Variants in SLC30A6 observed in about 807,000 individuals in gnomAD.
SLC30A6 encodes solute carrier family 30 member 6.
Under a neutral mutation model 63.0 loss-of-function variants are expected in SLC30A6, and 55 were observed. The observed-to-expected ratio is 0.87, with a 90% CI of 0.70 to 1.09. The LOEUF is 1.09. SLC30A6 is among the 50% of genes least tolerant of loss of function. SLC30A6 has a pLI of 0.00. For missense variants in SLC30A6, 587 were observed against 549.2 expected (o/e 1.07, Z -0.69); for synonymous variants, 224 against 186.1 (o/e 1.20, Z -1.66).
At chr2:32,185,972 C>A (rs1461035581) in intron 5 of SLC30A6, among the ~76,000 whole-genome samples, 1 of 150,602 alleles carries the variant, frequency 6.6e-6, no homozygotes, top group Non-Finnish European at 1.5e-5. Context: ...CTCAAATGAT[C>A]CACCTATCTC....
At chr2:32,178,828 A>G (rs1256936369) in intron 4 of SLC30A6, among the ~76,000 whole-genome samples, 2 of 152,202 alleles carry the variant, frequency 1.3e-5, no homozygotes, top group Non-Finnish European at 2.9e-5. Context: ...AAGTTTTGAA[A>G]TTGGAAAGTG....
At chr2:32,189,596 CTTTTTTT>C (rs3040842) in intron 5 of SLC30A6, among the ~76,000 whole-genome samples, 2 of 51,880 alleles carry the variant, frequency 3.9e-5, no homozygotes, top group East Asian at 1.1e-3. Context: ...CGCACCCGGC[CTTTTTTT>C]TTTTTTTTTT....
rs1226224041 is a variant in SLC30A6 at position 32,222,528 on chromosome 2, C to G, written c.*1815C>G. On this transcript the variant is annotated 3_prime_UTR_variant, in exon 14 of 14. Coordinates refer to ENST00000282587, the MANE Select transcript of SLC30A6 (RefSeq NM_017964.5). The stretch of plus-strand genomic sequence containing the variant: ...CATCTCTGTCAAGCAGAATTGTCAT[C>G]TGTGGTAATAAGTGACCATGTCCTA... 6.6e-6 allele frequency: 1 copy of G among 152,146 alleles called. No homozygotes were observed. Among genetic ancestry groups the G allele is most frequent in the East Asian group, 1.9e-4 (1 of 5,190 alleles). 9.4% of individuals were successfully genotyped at this position (152,146 alleles called of 1,614,324 possible). A position where few individuals can be genotyped will look rare whatever the true frequency, so the allele number is the denominator to read the frequency against.
intron 13 of SLC30A6, 116 bp from the exon 14 acceptor site, chr2:32,220,097 T>A: frequency 8.4e-7 from 1 of 1,194,068 alleles, no homozygotes; most frequent in Admixed American, 2.8e-5. Context: ...ATTAAGCTTT[T>A]TCTTTCAAAG....
In SLC30A6 at chr2:32,223,687, C is replaced by G. The variant is rs904426235; in HGVS notation, c.*2974C>G. On this transcript the variant is annotated 3_prime_UTR_variant, in exon 14 of 14. Transcript: ENST00000282587. Reference sequence around the variant, plus strand: ...AGAATAGGTGAACCACAGCCTAACACCATTTAGGTTTTTGTGTTTTTTTCA... The same window carrying G: ...AGAATAGGTGAACCACAGCCTAACAGCATTTAGGTTTTTGTGTTTTTTTCA... 2 of 152,048 alleles carry G rather than the reference C, an allele frequency of 1.3e-5. No homozygotes were observed. Among genetic ancestry groups the G allele is most frequent in the African/African-American group, 4.8e-5 (2 of 41,388 alleles). 9.4% of individuals were successfully genotyped at this position (152,048 alleles called of 1,614,324 possible).
At chr2:32,199,986 A>G (rs1684127424) in intron 10 of SLC30A6, among the ~76,000 whole-genome samples, 1 of 151,994 alleles carries the variant, frequency 6.6e-6, no homozygotes, top group African/African-American at 2.4e-5. Context: ...GTGGTGATGC[A>G]CACCTGTAAT....
intron 13 of SLC30A6, among the ~76,000 whole-genome samples, chr2:32,217,844 CTT>C: frequency 7.0e-6 from 1 of 143,748 alleles, no homozygotes; most frequent in African/African-American, 2.5e-5. Context: ...GGATTGAATT[CTT>C]TTTTTTTTTT....
At chr2:32,210,082 A>C (rs1320250434) in intron 13 of SLC30A6, among the ~76,000 whole-genome samples, 1 of 152,216 alleles carries the variant, frequency 6.6e-6, no homozygotes, top group Non-Finnish European at 1.5e-5. Context: ...TACCAGAGAG[A>C]CTTTATTATG....
chr2:32,179,259 C>A (rs536883727), intron 4 of SLC30A6, among the ~76,000 whole-genome samples: 60 of 152,106 alleles, frequency 3.9e-4, no homozygotes, highest in Non-Finnish European at 7.1e-4. Flanking sequence ...ATGCCCATAA[C>A]CTTAAACGTA....
At position 32,222,548 on chromosome 2, in the gene SLC30A6, G is replaced by A. The variant is rs1341983965; in HGVS notation, c.*1835G>A. 6.6e-6 allele frequency: 1 copy of A among 152,138 alleles called. No homozygotes were observed. Among genetic ancestry groups the A allele is most frequent in the Non-Finnish European group, 1.5e-5 (1 of 68,040 alleles). The allele number at this position is 152,138 out of a possible 1,614,324, so 9.4% of individuals were successfully genotyped here. ...GTCATCTGTGGTAATAAGTGACCAT[G>A]TCCTAAATACCTTTTTCTTAGTGAG... is the stretch of plus-strand genomic sequence containing the variant. On this transcript the variant is annotated 3_prime_UTR_variant, in exon 14 of 14. Coordinates refer to ENST00000282587, the MANE Select transcript of SLC30A6 (RefSeq NM_017964.5).
chr2:32,188,802 G>A (rs1405707507), intron 5 of SLC30A6, among the ~76,000 whole-genome samples: 1 of 152,178 alleles, frequency 6.6e-6, no homozygotes. Flanking sequence ...TCTGGATCAT[G>A]ATATAGAACA....
intron 13 of SLC30A6, among the ~76,000 whole-genome samples, chr2:32,216,480 G>A (rs1685712953): frequency 6.6e-6 from 1 of 151,796 alleles, no homozygotes; most frequent in Non-Finnish European, 1.5e-5. Context: ...AGGTTGCTGT[G>A]AGCTGACATT....
At chr2:32,170,020 A>T (rs984569081) in intron 1 of SLC30A6, among the ~76,000 whole-genome samples, 12 of 152,264 alleles carry the variant, frequency 7.9e-5, no homozygotes, top group African/African-American at 2.6e-4. Context: ...GTTGTGAATT[A>T]TAGTTTTTTT....
intron 13 of SLC30A6, among the ~76,000 whole-genome samples, chr2:32,212,838 T>A (rs1317421137): frequency 1.3e-5 from 2 of 151,158 alleles, no homozygotes; most frequent in Admixed American, 6.6e-5. Flanking sequence ...CCTCAGGTGA[T>A]CTGCTCTTGG....
In SLC30A6 at chr2:32,220,267, G is replaced by T; in HGVS notation, c.940G>T (p.Ala314Ser). Residue 314 changes from alanine to serine, a missense_variant, in exon 14 of 14, where the codon GCT becomes TCT. Physicochemically the swap from Ala to Ser is moderately conservative, Grantham distance 99. Coordinates refer to ENST00000282587, the MANE Select transcript of SLC30A6 (RefSeq NM_017964.5). Reference protein sequence around the residue: ...RRDANEQMVLAHVTNRLYTLV... With the variant: ...RRDANEQMVLSHVTNRLYTLV... ...AGATGCCAATGAACAAATGGTTCTT[G>T]CTCATGTGACCAACAGGCTGTACAC... 6.2e-7 allele frequency: 1 copy of T among 1,614,174 alleles called. No homozygotes were observed. Among genetic ancestry groups the T allele is most frequent in the Non-Finnish European group, 8.5e-7 (1 of 1,180,032 alleles).
chr2:32,202,745 T>G lies in SLC30A6; in HGVS notation c.666-1845T>G, dbSNP rs955053921. On this transcript the variant is annotated intron_variant, in intron 10 of 13. Transcript: ENST00000282587. ...TTATTCATGAATTCTACAAAACTGA[T>G]TCTGAAGACAGTCCTCAGACTTTAC... 4.3e-6 allele frequency: 3 copies of G among 701,656 alleles called. No homozygotes were observed. The Admixed American group carries it at 6.6e-5, about 15-fold the overall frequency. The allele number at this position is 701,656 out of a possible 1,614,324, so 43.5% of individuals were successfully genotyped here.
intron 13 of SLC30A6, among the ~76,000 whole-genome samples, chr2:32,212,029 CTTCTG>C (rs1685300098): frequency 6.6e-6 from 1 of 152,104 alleles, no homozygotes; most frequent in Non-Finnish European, 1.5e-5. Context: ...TTTGTGGAAA[CTTCTG>C]TTATGTGCAT....
chr2:32,222,175 A>T lies in SLC30A6; in HGVS notation c.*1462A>T, dbSNP rs1686178520. 6.6e-6 allele frequency: 1 copy of T among 152,260 alleles called. No individual in the cohort carries two copies. Among genetic ancestry groups the T allele is most frequent in the African/African-American group, 2.4e-5 (1 of 41,480 alleles). 9.4% of individuals were successfully genotyped at this position (152,260 alleles called of 1,614,324 possible). A position where few individuals can be genotyped will look rare whatever the true frequency, so the allele number is the denominator to read the frequency against. On this transcript the variant is annotated 3_prime_UTR_variant, in exon 14 of 14. Transcript: ENST00000282587. Reference sequence around the variant, plus strand: ...TATTTTTTAGTTGTTTTCCAAATGCAGAGTTTAAGGACTTTCTAACATGGC... The same window carrying T: ...TATTTTTTAGTTGTTTTCCAAATGCTGAGTTTAAGGACTTTCTAACATGGC...
In SLC30A6 at chr2:32,218,520, C is replaced by CTG. The variant is rs375960573; in HGVS notation, c.886-1692_886-1691insGT. 2.8e-5 allele frequency among the ~76,000 whole-genome samples: 4 copies of CTG among 143,210 alleles called. No individual in the cohort carries two copies. The East Asian group carries it at 8.3e-4, about 30-fold the overall frequency. The allele number at this position is 143,210 out of a possible 152,430, so 94.0% of individuals were successfully genotyped here. A position where few individuals can be genotyped will look rare whatever the true frequency, so the allele number is the denominator to read the frequency against. ...ATTTTTGGCCTGGCTCAGCTCTCCTCTTTTGTTTTGTTTTGTTTTGTTTTG... is the reference window on the plus strand; with the variant it reads ...ATTTTTGGCCTGGCTCAGCTCTCCTCTGTTTTGTTTTGTTTTGTTTTGTTTTG... On this transcript the variant is annotated intron_variant, in intron 13 of 13. Transcript: ENST00000282587.
Sources: allele counts gnomAD v4.1 joint callset (sites outside exome capture counted in the v4.1 genomes callset), GRCh38; gene constraint gnomAD v4.1.1; transcripts MANE v1.5; gene names NCBI Gene and HGNC (gene_info 2026-07-23, HGNC 2026-07-21).